SRP19: variants seen among roughly 807,000 people sequenced by gnomAD.
The protein encoded by SRP19 is signal recognition particle 19 kDa protein.
SRP19 carries 11 observed loss-of-function variants against 22.4 expected under a neutral mutation model. The observed-to-expected ratio is 0.49, with a 90% CI of 0.31 to 0.81. The LOEUF (loss-of-function observed/expected upper bound fraction) is 0.81. Among genes scored for constraint, SRP19 ranks in the 40% least tolerant of loss-of-function variants. SRP19 has a pLI of 0.05. For synonymous variants in SRP19, 61 were observed against 57.6 expected (o/e 1.06, Z -0.27); for missense variants, 168 against 175.9 (o/e 0.96, Z 0.25).
downstream of SRP19, among the ~76,000 whole-genome samples, chr5:112,871,467 T>C (rs1767758372): frequency 6.6e-6 from 1 of 151,854 alleles, no homozygotes; most frequent in Admixed American, 6.6e-5. Context: ...AAAATTTTTT[T>C]TTAGAGGCCA....
intron 4 of SRP19, chr5:112,887,057 T>C (rs1288380989): frequency 6.2e-7 from 1 of 1,613,148 alleles, no homozygotes; most frequent in Non-Finnish European, 8.5e-7. Context: ...GCCTTGTCTT[T>C]AAGGTCCTTG....
chr5:112,873,249 G>A (rs1382627588), downstream of SRP19, among the ~76,000 whole-genome samples: 1 of 123,574 alleles, frequency 8.1e-6, no homozygotes, highest in East Asian at 2.3e-4. Context: ...TATTAGACCT[G>A]CTGGTCTGAT....
At chr5:112,887,334 G>C (rs1034838513) in intron 4 of SRP19, 9 of 684,894 alleles carry the variant, frequency 1.3e-5, no homozygotes, top group Non-Finnish European at 1.9e-5. Context: ...TTAAAGGTGG[G>C]CTTTCTTTAG....
intron 4 of SRP19, chr5:112,885,058 C>T (rs1333112468): frequency 1.9e-5 from 3 of 153,870 alleles, no homozygotes; most frequent in Non-Finnish European, 4.3e-5. Context: ...CATACTGAAC[C>T]GATCAATCTG....
intron 4 of SRP19, chr5:112,878,097 G>GCCATATAC (rs1767953330): frequency 6.6e-6 from 1 of 151,962 alleles, no homozygotes; most frequent in South Asian, 2.1e-4. Context: ...GTATTCATAT[G>GCCATATAC]CCATATACTA....
intron 4 of SRP19, among the ~76,000 whole-genome samples, chr5:112,879,771 C>T (rs886273531): frequency 1.3e-5 from 2 of 152,022 alleles, no homozygotes; most frequent in Admixed American, 1.3e-4. Flanking sequence ...CCACCATGCC[C>T]GGCCTCTTCC....
At chr5:112,870,363 T>A (rs548223917), downstream of SRP19, among the ~76,000 whole-genome samples, 2 of 152,116 alleles carry the variant, frequency 1.3e-5, no homozygotes, top group African/African-American at 4.8e-5. Context: ...ATGCCTATAG[T>A]CTTAGCTACT....
At chr5:112,897,176 A>C (rs1768709431), downstream of SRP19, 1 of 152,090 alleles carries the variant, frequency 6.6e-6, no homozygotes, top group Non-Finnish European at 1.5e-5. Context: ...ATGTGATCTA[A>C]GCCACACATA....
At chr5:112,893,736 T>G (rs145730803), downstream of SRP19, 1 of 152,418 alleles carries the variant, frequency 6.6e-6, no homozygotes, top group Non-Finnish European at 1.5e-5. Flanking sequence ...ATCAGCCTTC[T>G]GCACACACAC....
intron 4 of SRP19, among the ~76,000 whole-genome samples, chr5:112,875,519 C>T (rs1243836789): frequency 6.6e-6 from 1 of 152,048 alleles, no homozygotes; most frequent in East Asian, 1.9e-4. Flanking sequence ...GTACGTTCCA[C>T]CACACCTAGC....
chr5:112,867,256 T>A (rs764395811), intron 4 of SRP19, 148 bp from the exon 5 acceptor site: 28 of 833,882 alleles, frequency 3.4e-5, no homozygotes, highest in Non-Finnish European at 4.9e-5. Flanking sequence ...CTAGTCAGTG[T>A]CTTCAGTCAT....
chr5:112,890,554 T>G (rs1768407585), intron 4 of SRP19, among the ~76,000 whole-genome samples: 1 of 150,012 alleles, frequency 6.7e-6, no homozygotes, highest in African/African-American at 2.5e-5. Context: ...ATTTTTGTAC[T>G]TTTTGTAGAG....
chr5:112,892,952 A>G (rs1189165431), exon 5 of SRP19: 5 of 1,597,084 alleles, frequency 3.1e-6, no homozygotes, highest in South Asian at 1.1e-5. Flanking sequence ...AGCTGGGACC[A>G]GGGCCGCCGG....
At position 112,869,152 on chromosome 5, in the gene SRP19, G is replaced by C. The variant is rs1326668262; in HGVS notation, c.*1615G>C. The C allele has an allele frequency of 5.9e-5, 9 of 152,242 alleles. No individual in the cohort carries two copies. The highest frequency in any genetic ancestry group is 2.2e-4 in the African/African-American group (9 of 41,456). 9.4% of individuals were successfully genotyped at this position (152,242 alleles called of 1,614,324 possible). Reference sequence around the variant, plus strand: ...TCATATGTTAAATCCAAGTGAGGTTGCTGTGGTGGTTGGTTTAGCTCTCAG... The same window carrying C: ...TCATATGTTAAATCCAAGTGAGGTTCCTGTGGTGGTTGGTTTAGCTCTCAG... On this transcript the variant is annotated 3_prime_UTR_variant, in exon 5 of 5. Transcript: ENST00000505459.
intron 2 of SRP19, among the ~76,000 whole-genome samples, 180 bp from the exon 3 acceptor site, chr5:112,864,277 C>A (rs351769): frequency 1.3e-5 from 2 of 151,952 alleles, no homozygotes; most frequent in Non-Finnish European, 2.9e-5. Context: ...CACACAGTTA[C>A]GCATTAGTGT....
exon 5 of SRP19, chr5:112,892,320 C>G (rs550786485): frequency 1.9e-6 from 3 of 1,613,954 alleles, no homozygotes; most frequent in African/African-American, 2.7e-5. Context: ...ATGACCCTGA[C>G]GCAAGCCTGG....
At chr5:112,887,218 G>C in intron 4 of SRP19, 1 of 1,509,866 alleles carries the variant, frequency 6.6e-7, no homozygotes, top group Non-Finnish European at 9.0e-7. Flanking sequence ...GGTAACAGGA[G>C]GGTGGAGGGG....
intron 4 of SRP19, among the ~76,000 whole-genome samples, chr5:112,889,718 C>G (rs1366563859): frequency 6.6e-6 from 1 of 150,424 alleles, no homozygotes; most frequent in East Asian, 2.0e-4. Context: ...GCCAGGCTTA[C>G]ACCTGTAATC....
intron 4 of SRP19, chr5:112,885,687 A>G: frequency 3.3e-6 from 1 of 306,760 alleles, no homozygotes; most frequent in South Asian, 4.1e-5. Context: ...ATTCCTAACC[A>G]GCCTCCCTTT....
Sources: allele counts gnomAD v4.1 joint callset (sites outside exome capture counted in the v4.1 genomes callset), GRCh38; gene constraint gnomAD v4.1.1; transcripts MANE v1.5; gene names NCBI Gene and HGNC (gene_info 2026-07-23, HGNC 2026-07-21).